PPP2R1A: variants seen among roughly 807,000 people sequenced by gnomAD.
PPP2R1A encodes the protein serine/threonine-protein phosphatase 2A 65 kDa regulatory subunit A alpha isoform.
A neutral mutation model predicts 67.1 loss-of-function variants in PPP2R1A; 15 were observed. That is an observed-to-expected ratio of 0.22 (90% CI 0.15 to 0.34). The LOEUF (loss-of-function observed/expected upper bound fraction) is 0.34, where lower values mean the gene tolerates loss of function less well. Ranked by LOEUF, PPP2R1A falls within the 10% of genes least tolerant of loss-of-function variation. PPP2R1A has a pLI of 1.00. For missense variants in PPP2R1A, 369 were observed against 775.0 expected, an observed-to-expected ratio of 0.48 and a Z score of 6.22; for synonymous variants, 337 against 325.0, an observed-to-expected ratio of 1.04 and a Z score of -0.40.
rs1568597479 is a variant in PPP2R1A at position 52,219,020 on chromosome 19, T to G, written c.1129-671T>G. Among the ~76,000 whole-genome samples the G allele has an allele frequency of 6.6e-6, 1 of 152,244 alleles. No homozygotes were observed. Among genetic ancestry groups the G allele is most frequent in the Non-Finnish European group, 1.5e-5 (1 of 68,050 alleles). On this transcript the variant is annotated intron_variant, in intron 9 of 14. Transcript: ENST00000322088. This position sits in a 1 kb window ranked among gnomAD's most constrained non-coding sequence, Gnocchi z 4.0. ...TTGACTCTCACCAGAATTTATAAACTTGTCTAAATGAAAAAGGCTACCTTT... is the reference window on the plus strand; with the variant it reads ...TTGACTCTCACCAGAATTTATAAACGTGTCTAAATGAAAAAGGCTACCTTT...
In PPP2R1A at chr19:52,226,184, G is replaced by A. The variant is rs1298438112; in HGVS notation, c.*203G>A. 34 of 767,920 alleles carry A rather than the reference G, an allele frequency of 4.4e-5. No individual in the cohort carries two copies. The highest frequency in any genetic ancestry group is 7.3e-5 in the South Asian group (4 of 54,934). The allele number at this position is 767,920 out of a possible 1,614,324, so 47.6% of individuals were successfully genotyped here. ...ACCTCCCAACGGGCTAGGGGAGCAC[G>A]GGGTTGGACAGGACAGTGACCTTGG... On this transcript the variant is annotated 3_prime_UTR_variant, in exon 15 of 15. Coordinates refer to ENST00000322088, the MANE Select transcript of PPP2R1A (RefSeq NM_014225.6).
In PPP2R1A at chr19:52,211,535, C is replaced by T. The variant is rs763690860; in HGVS notation, c.503+43C>T. 4 of 1,555,932 alleles carry T rather than the reference C, an allele frequency of 2.6e-6. No homozygotes were observed. The highest frequency in any genetic ancestry group is 2.6e-6 in the Non-Finnish European group (3 of 1,148,566). ...TGGAAGCTCCAAGCTCCCATCTCAG[C>T]TCCAACCTTCTCTAAAGCCTCAGAC... On this transcript the variant is annotated intron_variant, in intron 4 of 14. Transcript: ENST00000322088. This position sits in a 1 kb window ranked among gnomAD's most constrained non-coding sequence, Gnocchi z 5.3.
Position 52,215,759 on chromosome 19 carries a change from C to G in PPP2R1A, c.808-20C>G, listed in dbSNP as rs751641627. ...ACTGCCAGCCCCTCTCACTCTCCCC[C>G]TCCTCCTTCCTGTCTGCAGCTCCAG... On this transcript the variant is annotated intron_variant, in intron 6 of 14. Transcript: ENST00000322088. 1.4e-5 allele frequency: 23 copies of G among 1,605,732 alleles called. No homozygotes were observed. Among genetic ancestry groups the G allele is most frequent in the East Asian group, 4.5e-5 (2 of 44,838 alleles).
In PPP2R1A at chr19:52,212,940, C is replaced by T. The variant is rs1200504063; in HGVS notation, c.652-15C>T. The T allele has an allele frequency of 6.3e-7, 1 of 1,579,306 alleles. No individual in the cohort carries two copies. The highest frequency in any genetic ancestry group is 1.3e-5 in the African/African-American group (1 of 74,164). ...GGCCTCTGCTGCCCTCCCACTGTTC[C>T]TCTCCTCTCCCTAGGACTCGGTGCG... is the stretch of plus-strand genomic sequence containing the variant. On this transcript the variant is annotated splice_polypyrimidine_tract_variant and intron_variant, in intron 5 of 14. Transcript: ENST00000322088. The surrounding 1 kb of genome is among the most constrained non-coding windows in gnomAD (Gnocchi z 4.1).
intron 1 of PPP2R1A, 24 bp from the exon 2 acceptor site, chr19:52,201,920 C>T (rs2089553535): frequency 1.9e-6 from 3 of 1,608,120 alleles, no homozygotes; most frequent in South Asian, 1.1e-5. Flanking sequence ...ACATTCTCCC[C>T]TCCTCTTCTT....
chr19:52,221,708 G>GATA (rs879938624), intron 12 of PPP2R1A, among the ~76,000 whole-genome samples: 13,733 of 152,102 alleles, frequency 0.09, 718 homozygotes, highest in African/African-American at 0.14. Flanking sequence ...CTTTTCCTAC[G>GATA]ATTATAATTA....
rs778817333 is a variant in PPP2R1A, at chr19:52,216,863, G to C, written c.1128+200G>C. On this transcript the variant is annotated intron_variant, in intron 9 of 14. Coordinates refer to ENST00000322088, the MANE Select transcript of PPP2R1A (RefSeq NM_014225.6). The surrounding 1 kb of genome is among the most constrained non-coding windows in gnomAD (Gnocchi z 4.3). ...AGGCACTCTTCATGAGGCCTTTCCT[G>C]GACATGGAGGATATGAAAAATAGAA... 7.2e-5 allele frequency among the ~76,000 whole-genome samples: 11 copies of C among 152,144 alleles called. No individual in the cohort carries two copies. The highest frequency in any genetic ancestry group is 2.1e-4 in the South Asian group (1 of 4,824).
At chr19:52,194,439 G>T (rs545661500) in intron 1 of PPP2R1A, among the ~76,000 whole-genome samples, 1 of 152,152 alleles carries the variant, frequency 6.6e-6, no homozygotes, top group Non-Finnish European at 1.5e-5. Context: ...ATGGGAGGGA[G>T]GAGGAGGAAT....
intron 9 of PPP2R1A, among the ~76,000 whole-genome samples, chr19:52,217,125 G>A (rs1046113738): frequency 6.6e-6 from 1 of 152,170 alleles, no homozygotes; most frequent in Non-Finnish European, 1.5e-5. Flanking sequence ...AGGAGGCAGA[G>A]GTTGCAATGA....
At chr19:52,191,288 A>C (rs918113029) in intron 1 of PPP2R1A, 1 of 151,882 alleles carries the variant, frequency 6.6e-6, no homozygotes, top group Admixed American at 6.6e-5. Flanking sequence ...AAATTACTTC[A>C]CCGCTTTGGG....
At chr19:52,215,565 C>T (rs925491086) in intron 6 of PPP2R1A, among the ~76,000 whole-genome samples, 8 of 152,182 alleles carry the variant, frequency 5.3e-5, no homozygotes, top group African/African-American at 1.9e-4. Flanking sequence ...GGTGCCCTCG[C>T]AGTCCTCATT....
rs1978882102 is a variant in PPP2R1A, at chr19:52,220,926, C to G, written c.1364-53C>G. The G allele has an allele frequency of 1.9e-6, 3 of 1,597,576 alleles. No homozygotes were observed. The South Asian group carries it at 3.3e-5, about 18-fold the overall frequency. Reference sequence around the variant, plus strand: ...GTGAGTGTGACCTACATTTTGCCCACATCAGTTCTTCACCTCCAAATCCCT... The same window carrying G: ...GTGAGTGTGACCTACATTTTGCCCAGATCAGTTCTTCACCTCCAAATCCCT... On this transcript the variant is annotated intron_variant, in intron 11 of 14. Transcript: ENST00000322088.
intron 13 of PPP2R1A, among the ~76,000 whole-genome samples, chr19:52,225,242 A>C (rs1979185159): frequency 1.3e-5 from 2 of 151,788 alleles, no homozygotes; most frequent in Admixed American, 6.6e-5. Context: ...GGCTGGTCTC[A>C]AACTCCCAAC....
Position 52,212,028 on chromosome 19 carries a change from G to A in PPP2R1A, c.503+536G>A, listed in dbSNP as rs2089675052. 6.6e-6 allele frequency among the ~76,000 whole-genome samples: 1 copy of A among 152,212 alleles called. No individual in the cohort carries two copies. The highest frequency in any genetic ancestry group is 2.4e-5 in the African/African-American group (1 of 41,450). ...CCCACCGCCTTTGATCGAAGCAATT[G>A]CTGCTGAAAAATAAAGCCTTTCTGT... On this transcript the variant is annotated intron_variant, in intron 4 of 14. Transcript: ENST00000322088. The surrounding 1 kb of genome is among the most constrained non-coding windows in gnomAD (Gnocchi z 4.1).
chr19:52,205,927 G>A (rs1303934103), intron 2 of PPP2R1A, 36 bp from the exon 3 acceptor site: 4 of 1,563,288 alleles, frequency 2.6e-6, no homozygotes, highest in Non-Finnish European at 3.5e-6. Flanking sequence ...TCAGAGTTGA[G>A]ATGGGATAGT....
In PPP2R1A at chr19:52,219,152, T is replaced by C. The variant is rs1035567603; in HGVS notation, c.1129-539T>C. Among the ~76,000 whole-genome samples the C allele has an allele frequency of 3.9e-5, 6 of 152,244 alleles. No individual in the cohort carries two copies. The highest frequency in any genetic ancestry group is 7.3e-5 in the Non-Finnish European group (5 of 68,040). On this transcript the variant is annotated intron_variant, in intron 9 of 14. Transcript: ENST00000322088. The surrounding 1 kb of genome is among the most constrained non-coding windows in gnomAD (Gnocchi z 4.0). ...AGCTTGAGGCTCACACAGCAAGGGC[T>C]GGAGCTGGGCAAGGGCCAGTCCTAT...
In PPP2R1A at chr19:52,211,647, A is replaced by G; in HGVS notation, c.503+155A>G. 1 of 755,954 alleles carries G rather than the reference A, an allele frequency of 1.3e-6. No individual in the cohort carries two copies. The highest frequency in any genetic ancestry group is 2.1e-6 in the Non-Finnish European group (1 of 476,444). The allele number at this position is 755,954 out of a possible 1,614,324, so 46.8% of individuals were successfully genotyped here. ...CCACCTGATAGGCCACATCCTCGAG[A>G]GTTGGTCTCTGGACACGGCCACGTG... On this transcript the variant is annotated intron_variant, in intron 4 of 14. Transcript: ENST00000322088. This position sits in a 1 kb window ranked among gnomAD's most constrained non-coding sequence, Gnocchi z 5.3.
At chr19:52,199,391 G>A (rs940583340) in intron 1 of PPP2R1A, among the ~76,000 whole-genome samples, 3 of 151,888 alleles carry the variant, frequency 2.0e-5, no homozygotes, top group African/African-American at 7.3e-5. Flanking sequence ...GGATGGTCTC[G>A]ATCTCCTAAC....
intron 1 of PPP2R1A, 136 bp downstream of exon 1, chr19:52,190,310 C>T (rs752134274): frequency 6.0e-5 from 63 of 1,056,684 alleles, no homozygotes; most frequent in Non-Finnish European, 7.6e-5. Context: ...TCTCTTATCT[C>T]CCCGGTTGCC....
Sources: allele counts gnomAD v4.1 joint callset (sites outside exome capture counted in the v4.1 genomes callset), GRCh38; gene constraint gnomAD v4.1.1; non-coding constraint Gnocchi (gnomAD v3.1); transcripts MANE v1.5; gene names NCBI Gene and HGNC (gene_info 2026-07-23, HGNC 2026-07-21).